Variants in NAV1 observed in about 807,000 individuals in gnomAD.
NAV1 encodes the protein neuron navigator 1.
A neutral mutation model predicts 175.2 loss-of-function variants in NAV1; 18 were observed. The ratio of observed to expected loss-of-function variants is 0.10; its 90% CI spans 0.07 to 0.15. The LOEUF is 0.15. Ranked by LOEUF, NAV1 falls within the 10% of genes least tolerant of loss-of-function variation. NAV1 has a pLI of 1.00. For missense variants in NAV1, 1,731 were observed against 2,436.6 expected (o/e 0.71, Z 6.10); for synonymous variants, 897 against 978.7 (o/e 0.92, Z 1.56).
At chr1:201,587,055 A>C (rs913584041) in intron 1 of NAV1, among the ~76,000 whole-genome samples, 8 of 152,092 alleles carry the variant, frequency 5.3e-5, no homozygotes, top group Non-Finnish European at 1.2e-4. Flanking sequence ...TACAAAAAAT[A>C]CAAAAATTAG....
intron 3 of NAV1, among the ~76,000 whole-genome samples, chr1:201,743,498 A>G (rs551887626): frequency 1.3e-5 from 2 of 152,250 alleles, no homozygotes; most frequent in East Asian, 1.9e-4. Context: ...TAAAATGGGT[A>G]TAGCTCCTGA....
intron 2 of NAV1, among the ~76,000 whole-genome samples, chr1:201,612,926 G>C (rs1197653212): frequency 1.3e-5 from 2 of 152,072 alleles, no homozygotes; most frequent in East Asian, 1.9e-4. Flanking sequence ...CTTCAGAGTG[G>C]CACCAAGGGA....
intron 3 of NAV1, among the ~76,000 whole-genome samples, chr1:201,760,174 A>G (rs187347510): frequency 3.9e-5 from 6 of 152,326 alleles, no homozygotes; most frequent in East Asian, 3.9e-4. Flanking sequence ...AAAAGTTTAT[A>G]TAACCTGGTG....
At chr1:201,773,290 C>T (rs1450808792) in intron 3 of NAV1, among the ~76,000 whole-genome samples, 2 of 152,218 alleles carry the variant, frequency 1.3e-5, no homozygotes, top group African/African-American at 4.8e-5. Flanking sequence ...CTTAAGCAAT[C>T]CTCCCTCCTC....
chr1:201,723,082 G>T (rs1319930341), intron 3 of NAV1, among the ~76,000 whole-genome samples: 4 of 152,238 alleles, frequency 2.6e-5, no homozygotes, highest in African/African-American at 9.6e-5. Flanking sequence ...CTGCACTCCA[G>T]CCTGGGCGAC....
At position 201,782,241 on chromosome 1, in the gene NAV1, T is replaced by C. The variant is rs765537255; in HGVS notation, c.1729T>C (p.Ser577Pro). ...AGTGAAGAATACTGGGCTCCAACGC[T>C]CCTCCTCTGATGCTGGTCGGGACCG... Residue 577 changes from serine (S) to proline (P), a missense_variant, in exon 6 of 30, where the codon TCC becomes CCC. By Grantham distance (74) the Ser-to-Pro change is moderately conservative. Around this residue, in one of 13 missense-constraint regions of NAV1, gnomAD observed 634 missense variants for 766.8 expected, o/e 0.83. Transcript: ENST00000367296. The surrounding 1 kb of genome is among the most constrained non-coding windows in gnomAD (Gnocchi z 5.4). The C allele has an allele frequency of 1.2e-6, 2 of 1,613,996 alleles. No individual in the cohort carries two copies.
At chr1:201,633,270 C>T (rs1263045871) in intron 2 of NAV1, among the ~76,000 whole-genome samples, 1 of 152,228 alleles carries the variant, frequency 6.6e-6, no homozygotes, top group African/African-American at 2.4e-5. Flanking sequence ...GAATACCCTA[C>T]TATGTGCAGG....
chr1:201,593,269 C>G (rs1667256502), intron 2 of NAV1, among the ~76,000 whole-genome samples: 1 of 152,234 alleles, frequency 6.6e-6, no homozygotes, highest in Non-Finnish European at 1.5e-5. Flanking sequence ...CATCTATCAA[C>G]CCCACAAGCC....
At chr1:201,757,238 T>C (rs1674569153) in intron 3 of NAV1, among the ~76,000 whole-genome samples, 1 of 152,202 alleles carries the variant, frequency 6.6e-6, no homozygotes, top group Admixed American at 6.5e-5. Context: ...TTTAGAGGCT[T>C]CTTTCAGTTT....
At chr1:201,624,857 A>G (rs1368777297) in intron 1 of NAV1, among the ~76,000 whole-genome samples, 1 of 152,200 alleles carries the variant, frequency 6.6e-6, no homozygotes, top group Non-Finnish European at 1.5e-5. Context: ...AAGCTTGTAC[A>G]TCATCCCTTA....
At chr1:201,609,624 G>C (rs143820339) in intron 2 of NAV1, among the ~76,000 whole-genome samples, 650 of 152,312 alleles carry the variant, frequency 4.3e-3, no homozygotes, top group Non-Finnish European at 7.2e-3. Flanking sequence ...GCAAGTGTGA[G>C]AAAGATGGAG....
At chr1:201,598,334 T>G (rs1339541908) in intron 2 of NAV1, among the ~76,000 whole-genome samples, 1 of 152,172 alleles carries the variant, frequency 6.6e-6, no homozygotes, top group East Asian at 1.9e-4. Context: ...GAGATGAGTC[T>G]GGGAAATAGG....
At chr1:201,648,002 T>G (rs1357816800), upstream of NAV1, among the ~76,000 whole-genome samples, 2 of 150,344 alleles carry the variant, frequency 1.3e-5, no homozygotes, top group African/African-American at 2.5e-5. Flanking sequence ...TTTCCTTTAT[T>G]TCCCCCTACC....
intron 3 of NAV1, among the ~76,000 whole-genome samples, chr1:201,730,726 TC>T (rs1277510274): frequency 1.3e-5 from 2 of 152,212 alleles, no homozygotes; most frequent in Admixed American, 1.3e-4. Context: ...GGAATTCTGG[TC>T]CAAGGGCAGA....
chr1:201,804,689 G>A (rs1678167231), intron 17 of NAV1, among the ~76,000 whole-genome samples, 192 bp downstream of exon 21: 1 of 151,782 alleles, frequency 6.6e-6, no homozygotes, highest in Non-Finnish European at 1.5e-5. Context: ...GCTGCCCTAT[G>A]TGAGGACAGA....
intron 3 of NAV1, among the ~76,000 whole-genome samples, chr1:201,722,777 C>T (rs565364448): frequency 6.6e-6 from 1 of 152,300 alleles, no homozygotes; most frequent in Admixed American, 6.5e-5. Flanking sequence ...GAATTCTCCC[C>T]AACATTTACT....
At chr1:201,636,523 G>A (rs1668622602) in intron 2 of NAV1, among the ~76,000 whole-genome samples, 1 of 152,210 alleles carries the variant, frequency 6.6e-6, no homozygotes, top group South Asian at 2.1e-4. Flanking sequence ...TTCCTGGGTG[G>A]TGGGAGTCCC....
intron 3 of NAV1, among the ~76,000 whole-genome samples, chr1:201,727,684 G>GAAC (rs1293416753): frequency 6.6e-6 from 1 of 152,242 alleles, no homozygotes; most frequent in Non-Finnish European, 1.5e-5. Context: ...GTGGGAAAGT[G>GAAC]AGTTAGGGGA....
At chr1:201,642,534 T>TTTC (rs1553247064) in intron 2 of NAV1, among the ~76,000 whole-genome samples, 2 of 111,186 alleles carry the variant, frequency 1.8e-5, no homozygotes, top group African/African-American at 7.8e-5. Flanking sequence ...TTTTTCTTTC[T>TTTC]TTCTTTCTTT....
Sources: allele counts gnomAD v4.1 joint callset (sites outside exome capture counted in the v4.1 genomes callset), GRCh38; gene constraint gnomAD v4.1.1; regional missense constraint gnomAD v4.1.1; non-coding constraint Gnocchi (gnomAD v3.1); transcripts MANE v1.5; gene names NCBI Gene and HGNC (gene_info 2026-07-23, HGNC 2026-07-21).